Variants in BCS1L observed in about 807,000 individuals in gnomAD.
BCS1L encodes BCS1 ubiquinol-cytochrome c reductase complex chaperone, also known as mitochondrial chaperone BCS1.
In BCS1L, 38 loss-of-function variants were observed where a neutral mutation model predicts 49.3. The ratio of observed to expected loss-of-function variants is 0.77; its 90% CI spans 0.59 to 1.01. The LOEUF is 1.01. Ranked by LOEUF, BCS1L falls within the 50% of genes least tolerant of loss-of-function variation. The pLI, the probability that BCS1L is intolerant of heterozygous loss-of-function variation, is 0.00. For missense variants in BCS1L, 394 were observed against 540.2 expected (o/e 0.73, Z 2.68); for synonymous variants, 193 against 210.1 (o/e 0.92, Z 0.70).
chr2:218,663,152 A>G lies in BCS1L; in HGVS notation c.1026A>G (p.Ile342Met), dbSNP rs1004254276. The G allele has an allele frequency of 1.2e-6, 2 of 1,614,014 alleles. No individual in the cohort carries two copies. Among genetic ancestry groups the G allele is most frequent in the African/African-American group, 2.7e-5 (2 of 74,888 alleles). The change falls in exon 8 of 8, where the codon ATA becomes ATG. Residue 342 changes from isoleucine (I) to methionine (M), a missense_variant. Coordinates refer to ENST00000359273, the MANE Select transcript of BCS1L (RefSeq NM_001079866.2). Reference sequence around the variant, plus strand: ...CTCTCAGGCTGGACCCTGCCCTGATACGCCCGGGGCGAGTGGACCTGAAGG... The same window carrying G: ...CTCTCAGGCTGGACCCTGCCCTGATGCGCCCGGGGCGAGTGGACCTGAAGG... ...NHVDRLDPALIRPGRVDLKEY... is the reference protein window; with the variant it reads ...NHVDRLDPALMRPGRVDLKEY...
In BCS1L at chr2:218,661,068, A is replaced by AGCCCTG; in HGVS notation, c.92_97dup (p.Leu31_Ala32dup). 2 of 1,614,222 alleles carry AGCCCTG rather than the reference A, an allele frequency of 1.2e-6. No individual in the cohort carries two copies. The highest frequency in any genetic ancestry group is 8.5e-7 in the Non-Finnish European group (1 of 1,180,052). On this transcript the variant is annotated inframe_insertion, in exon 2 of 8. Transcript: ENST00000359273. This position sits in a 1 kb window ranked among gnomAD's most constrained non-coding sequence, Gnocchi z 5.9. ...GATTTGGGCTGGTGGGTGTGGGCAC[A>AGCCCTG]GCCCTGGCCCTGGCCCGGAAGGGTG...
rs1476347003 is a variant in BCS1L, at chr2:218,662,517, C to G, written c.727C>G (p.Leu243Val). 3 of 1,613,766 alleles carry G rather than the reference C, an allele frequency of 1.9e-6. No individual in the cohort carries two copies. The African/African-American group carries it at 4.0e-5, about 22-fold the overall frequency. The change falls in exon 6 of 8, where the codon CTG becomes GTG. Residue 243 changes from leucine to valine, a missense_variant. By Grantham distance (32) the Leu-to-Val change is conservative (BLOSUM62 1). Coordinates refer to ENST00000359273, the MANE Select transcript of BCS1L (RefSeq NM_001079866.2). The surrounding 1 kb of genome is among the most constrained non-coding windows in gnomAD (Gnocchi z 5.8). ...CCATCCCATGCTCCATAGCACAGCC[C>G]TGGCTGGGGAACTGGAGCACAGCAT... ...GCGKSSFITA[L>V]AGELEHSICL...
rs982826850 is a variant in BCS1L at position 218,661,603 on chromosome 2, A to G, written c.460+58A>G. ...CATTGCAGGGATGGGGACATTTGAC[A>G]TCAGATGAGCAGTTTGGAGAAGTGG... is the stretch of plus-strand genomic sequence containing the variant. On this transcript the variant is annotated intron_variant, in intron 3 of 7. Transcript: ENST00000359273. This position sits in a 1 kb window ranked among gnomAD's most constrained non-coding sequence, Gnocchi z 5.9. The G allele has an allele frequency of 1.2e-6, 2 of 1,608,006 alleles. No homozygotes were observed. Among genetic ancestry groups the G allele is most frequent in the Non-Finnish European group, 1.7e-6 (2 of 1,177,182 alleles).
In BCS1L at chr2:218,661,196, A is replaced by C. The variant is rs765613671; in HGVS notation, c.209A>C (p.His70Pro). ...YAWLLSWLTR[H>P]STRTQHLSVE... The stretch of plus-strand genomic sequence containing the variant: ...TGGTTGCTTAGCTGGCTCACCCGCC[A>C]CAGTACCCGTACTCAGCACCTCAGT... The change falls in exon 2 of 8, where the codon CAC (histidine) becomes CCC (proline). Residue 70 changes from histidine to proline, a missense_variant. His to Pro is a moderately conservative substitution (Grantham distance 77). Coordinates refer to ENST00000359273, the MANE Select transcript of BCS1L (RefSeq NM_001079866.2). This position sits in a 1 kb window ranked among gnomAD's most constrained non-coding sequence, Gnocchi z 5.9. 8 of 1,614,060 alleles carry C rather than the reference A, an allele frequency of 5.0e-6. No individual in the cohort carries two copies. In the Admixed American group the frequency reaches 1.3e-4, roughly 27 times the overall value.
At position 218,662,729 on chromosome 2, in the gene BCS1L, G is replaced by A; in HGVS notation, c.889+50G>A. The A allele has an allele frequency of 6.2e-7, 1 of 1,613,300 alleles. No individual in the cohort carries two copies. The highest frequency in any genetic ancestry group is 1.7e-4 in the Middle Eastern group (1 of 6,044). On this transcript the variant is annotated intron_variant, in intron 6 of 7. Coordinates refer to ENST00000359273, the MANE Select transcript of BCS1L (RefSeq NM_001079866.2). The surrounding 1 kb of genome is among the most constrained non-coding windows in gnomAD (Gnocchi z 5.8). ...TGGAGTGGGTAACTGTGGAACAGGG[G>A]AAGAAAGCAGAAATCCAGAGGGCTG...
Position 218,662,527 on chromosome 2 carries a change from A to C in BCS1L, c.737A>C (p.Glu246Ala). 6.2e-7 allele frequency: 1 copy of C among 1,613,848 alleles called. No homozygotes were observed. Among genetic ancestry groups the C allele is most frequent in the African/African-American group, 1.3e-5 (1 of 75,018 alleles). ...CTCCATAGCACAGCCCTGGCTGGGG[A>C]ACTGGAGCACAGCATCTGCCTGCTG... ...KSSFITALAGELEHSICLLSL... is the reference protein window; with the variant it reads ...KSSFITALAGALEHSICLLSL... Residue 246 changes from glutamate (E) to alanine (A), a missense_variant, in exon 6 of 8, where the codon GAA becomes GCA. Physicochemically the swap from Glu to Ala is moderately radical, Grantham distance 107. Coordinates refer to ENST00000359273, the MANE Select transcript of BCS1L (RefSeq NM_001079866.2). The surrounding 1 kb of genome is among the most constrained non-coding windows in gnomAD (Gnocchi z 5.8).
Position 218,661,361 on chromosome 2 carries a change from G to A in BCS1L, c.321-45G>A, listed in dbSNP as rs1033088624. The A allele has an allele frequency of 3.0e-5, 49 of 1,614,104 alleles. No homozygotes were observed. In the Admixed American group the frequency reaches 5.5e-4, roughly 18 times the overall value. The stretch of plus-strand genomic sequence containing the variant: ...AGAGTAGAAAAGAATGATGGGAGCT[G>A]GGTTTGACCCATTCACTCACTCAGT... On this transcript the variant is annotated intron_variant, in intron 2 of 7. Transcript: ENST00000359273. This position sits in a 1 kb window ranked among gnomAD's most constrained non-coding sequence, Gnocchi z 5.9.
At chr2:218,663,100 G>A (rs770483323) in intron 7 of BCS1L, 34 bp from the exon 8 acceptor site, 36 of 1,614,090 alleles carry the variant, frequency 2.2e-5, no homozygotes, top group Non-Finnish European at 2.5e-5. Context: ...TCTGTTGGGT[G>A]CTAGTGTGAC....
chr2:218,660,426 AG>A, intron 1 of BCS1L: 5 of 161,510 alleles, frequency 3.1e-5, no homozygotes, highest in Admixed American at 1.2e-4. Flanking sequence ...CAGGAGGTGA[AG>A]ACCTATTAAA....
At position 218,660,980 on chromosome 2, in the gene BCS1L, C is replaced by A; in HGVS notation, c.-8C>A. On this transcript the variant is annotated 5_prime_UTR_variant, in exon 2 of 8. Coordinates refer to ENST00000359273, the MANE Select transcript of BCS1L (RefSeq NM_001079866.2). ...AGGGCCTGTAAGGTTTGGTGTTTCCCTTTCAAGATGCCACTTTCAGACTTT... is the reference window on the plus strand; with the variant it reads ...AGGGCCTGTAAGGTTTGGTGTTTCCATTTCAAGATGCCACTTTCAGACTTT... 6.2e-7 allele frequency: 1 copy of A among 1,613,410 alleles called. No individual in the cohort carries two copies. Among genetic ancestry groups the A allele is most frequent in the Non-Finnish European group, 8.5e-7 (1 of 1,180,022 alleles).
At chr2:218,660,826 C>A in intron 1 of BCS1L, 113 bp from the exon 2 acceptor site, 2 of 725,870 alleles carry the variant, frequency 2.8e-6, no homozygotes, top group African/African-American at 1.8e-5. Flanking sequence ...ACCACCCTTA[C>A]CCCACAAAAG....
At chr2:218,660,866 C>A in intron 1 of BCS1L, 73 bp from the exon 2 acceptor site, 1 of 1,103,018 alleles carries the variant, frequency 9.1e-7, no homozygotes, top group Non-Finnish European at 1.4e-6. Flanking sequence ...GTAATGCTGA[C>A]CTGTGGCCAG....
chr2:218,661,084 CGGAA>C lies in BCS1L; in HGVS notation c.100_103del (p.Lys34ValfsTer14). The C allele has an allele frequency of 6.2e-7, 1 of 1,614,178 alleles. No individual in the cohort carries two copies. On this transcript the variant is annotated frameshift_variant, in exon 2 of 8. Coordinates refer to ENST00000359273, the MANE Select transcript of BCS1L (RefSeq NM_001079866.2). LOFTEE classifies it high-confidence loss of function. The surrounding 1 kb of genome is among the most constrained non-coding windows in gnomAD (Gnocchi z 5.9). ...TGTGGGCACAGCCCTGGCCCTGGCC[CGGAA>C]GGGTGTCCAACTGGGCCTGGTGGCA...
In BCS1L at chr2:218,662,458, G is replaced by C. The variant is rs1939578679; in HGVS notation, c.720-52G>C. 1.9e-6 allele frequency: 3 copies of C among 1,610,732 alleles called. No individual in the cohort carries two copies. The Admixed American group carries it at 5.0e-5, about 27-fold the overall frequency. On this transcript the variant is annotated intron_variant, in intron 5 of 7. Transcript: ENST00000359273. This position sits in a 1 kb window ranked among gnomAD's most constrained non-coding sequence, Gnocchi z 5.8. ...GGCGGTGAGGAGAGTAGCTGGGCCT[G>C]AGGAAGCATTTCCAGGTTGCCTGCT...
chr2:218,659,583 G>A (rs28384379), upstream of BCS1L: 8,534 of 152,316 alleles, frequency 0.056, 337 homozygotes, highest in East Asian at 0.12. This position sits in a 1 kb window ranked among gnomAD's most constrained non-coding sequence, Gnocchi z 4.4. Flanking sequence ...CAGCCCTGAA[G>A]CCGGAGAAGC....
At position 218,662,501 on chromosome 2, in the gene BCS1L, G is replaced by A; in HGVS notation, c.720-9G>A. 1 of 1,613,600 alleles carries A rather than the reference G, an allele frequency of 6.2e-7. No homozygotes were observed. Among genetic ancestry groups the A allele is most frequent in the Non-Finnish European group, 8.5e-7 (1 of 1,180,040 alleles). On this transcript the variant is annotated splice_polypyrimidine_tract_variant and intron_variant, in intron 5 of 7. Coordinates refer to ENST00000359273, the MANE Select transcript of BCS1L (RefSeq NM_001079866.2). This position sits in a 1 kb window ranked among gnomAD's most constrained non-coding sequence, Gnocchi z 5.8. The stretch of plus-strand genomic sequence containing the variant: ...TGCCTGCTACCTCCTGCCATCCCAT[G>A]CTCCATAGCACAGCCCTGGCTGGGG...
intron 1 of BCS1L, chr2:218,660,412 GAAGCA>G: frequency 1.9e-5 from 3 of 157,854 alleles, no homozygotes; most frequent in South Asian, 1.8e-4. Flanking sequence ...GATGTTCCGT[GAAGCA>G]GGAGGTGAAG....
chr2:218,662,602 G>C lies in BCS1L; in HGVS notation c.812G>C (p.Ser271Thr). 1 of 1,614,216 alleles carries C rather than the reference G, an allele frequency of 6.2e-7. No homozygotes were observed. Among genetic ancestry groups the C allele is most frequent in the Non-Finnish European group, 8.5e-7 (1 of 1,180,050 alleles). ...GATGACCGACTCAACCACCTGCTGA[G>C]CGTGGCCCCGCAGCAGAGCCTGGTA... ...LSDDRLNHLL[S>T]VAPQQSLVLL... The change falls in exon 6 of 8, where the codon AGC becomes ACC. Residue 271 changes from serine to threonine, a missense_variant. Transcript: ENST00000359273. The surrounding 1 kb of genome is among the most constrained non-coding windows in gnomAD (Gnocchi z 5.8).
chr2:218,660,417 A>C lies in BCS1L; in HGVS notation c.-49-522A>C. 5.2e-5 allele frequency: 8 copies of C among 154,690 alleles called. No individual in the cohort carries two copies. In the South Asian group the frequency reaches 5.9e-4, roughly 11 times the overall value. The allele number at this position is 154,690 out of a possible 1,614,324, so 9.6% of individuals were successfully genotyped here. A position where few individuals can be genotyped will look rare whatever the true frequency, so the allele number is the denominator to read the frequency against. The stretch of plus-strand genomic sequence containing the variant: ...CCCTTGTGTAGATGTTCCGTGAAGC[A>C]GGAGGTGAAGACCTATTAAAATGCC... On this transcript the variant is annotated intron_variant, in intron 1 of 7. Coordinates refer to ENST00000359273, the MANE Select transcript of BCS1L (RefSeq NM_001079866.2).
Sources: allele counts gnomAD v4.1 joint callset, GRCh38; gene constraint gnomAD v4.1.1; non-coding constraint Gnocchi (gnomAD v3.1); transcripts MANE v1.5; gene names NCBI Gene and HGNC (gene_info 2026-07-23, HGNC 2026-07-21).